CDH13: variants seen among roughly 807,000 people sequenced by gnomAD.
CDH13 encodes the protein cadherin-13.
A neutral mutation model predicts 63.8 loss-of-function variants in CDH13; 24 were observed. That is an observed-to-expected ratio of 0.38 (90% confidence interval 0.27 to 0.53). The LOEUF is 0.53. Ranked by LOEUF, CDH13 falls within the 20% of genes least tolerant of loss-of-function variation. The probability of loss-of-function intolerance (pLI) is 0.85; values close to 1 mark genes in which losing one functional copy is unlikely to be tolerated. For synonymous variants in CDH13, 503 were observed against 355.3 expected (o/e 1.42, Z -4.67); for missense variants, 1,049 against 903.1 (o/e 1.16, Z -2.07).
intron 2 of CDH13, among the ~76,000 whole-genome samples, chr16:83,012,925 A>G (rs1220313427): frequency 6.6e-6 from 1 of 152,224 alleles, no homozygotes; most frequent in East Asian, 1.9e-4. Context: ...ACACATGCAT[A>G]GAGATAACAT....
At chr16:83,540,781 C>T (rs1016230459) in intron 7 of CDH13, among the ~76,000 whole-genome samples, 3 of 152,140 alleles carry the variant, frequency 2.0e-5, no homozygotes, top group African/African-American at 7.2e-5. Flanking sequence ...AGGCATGCAC[C>T]ACCACACCCA....
intron 13 of CDH13, among the ~76,000 whole-genome samples, chr16:83,786,030 C>T (rs1048700193): frequency 3.9e-5 from 6 of 152,076 alleles, no homozygotes; most frequent in East Asian, 1.9e-4. Context: ...TGTTTGCTAC[C>T]GATGGTGCCA....
At chr16:83,753,193 CA>C (rs1220739348) in intron 11 of CDH13, among the ~76,000 whole-genome samples, 1 of 151,962 alleles carries the variant, frequency 6.6e-6, no homozygotes, top group Non-Finnish European at 1.5e-5. Flanking sequence ...TTTGCCTCAC[CA>C]AAAACTTACC....
intron 8 of CDH13, among the ~76,000 whole-genome samples, chr16:83,650,296 A>C (rs566987525): frequency 2.4e-4 from 37 of 152,334 alleles, no homozygotes; most frequent in African/African-American, 8.7e-4. Flanking sequence ...TGAAAACTAC[A>C]TCAATAATTT....
Position 83,792,657 on chromosome 16 carries a change from G to A in CDH13, c.2135-2366G>A, listed in dbSNP as rs1176906629. ...CACAAAGAATTATCCAACCCCAAAT[G>A]TCAGTAGTGCTGAGGCTGAGAAACC... On this transcript the variant is annotated intron_variant, in intron 13 of 13. Coordinates refer to ENST00000567109, the MANE Select transcript of CDH13 (RefSeq NM_001257.5). Among the ~76,000 whole-genome samples, 4 of 152,186 alleles carry A rather than the reference G, an allele frequency of 2.6e-5. No individual in the cohort carries two copies. The East Asian group carries it at 7.7e-4, about 29-fold the overall frequency.
At chr16:83,024,096 G>C (rs1915587970) in intron 2 of CDH13, among the ~76,000 whole-genome samples, 1 of 152,112 alleles carries the variant, frequency 6.6e-6, no homozygotes, top group African/African-American at 2.4e-5. Context: ...TACCTGAGTA[G>C]AGTGGATGCA....
At chr16:82,727,231 G>T (rs529034927) in intron 1 of CDH13, among the ~76,000 whole-genome samples, 1 of 152,132 alleles carries the variant, frequency 6.6e-6, no homozygotes, top group Admixed American at 6.5e-5. Flanking sequence ...ACACACTCTG[G>T]TGTTTGCACT....
intron 2 of CDH13, among the ~76,000 whole-genome samples, chr16:83,025,757 C>G (rs893689478): frequency 6.6e-6 from 1 of 152,114 alleles, no homozygotes. Flanking sequence ...TGCTGGCATG[C>G]CAGTCCCCAA....
intron 3 of CDH13, among the ~76,000 whole-genome samples, chr16:83,033,185 C>T (rs989257910): frequency 2.0e-5 from 3 of 152,126 alleles, no homozygotes; most frequent in Admixed American, 1.3e-4. Context: ...TCAAAGCTAA[C>T]CTGCCCAACC....
At chr16:82,675,191 G>C (rs963731675) in intron 1 of CDH13, among the ~76,000 whole-genome samples, 7 of 152,180 alleles carry the variant, frequency 4.6e-5, no homozygotes, top group African/African-American at 1.7e-4. Context: ...CAGTGAATTA[G>C]AGGGAGATAA....
intron 1 of CDH13, among the ~76,000 whole-genome samples, chr16:82,785,182 T>C (rs1228538067): frequency 6.6e-6 from 1 of 151,920 alleles, no homozygotes; most frequent in African/African-American, 2.4e-5. Flanking sequence ...AGACATAAGA[T>C]AGATTGTTGA....
In CDH13 at chr16:83,764,087, A is replaced by G. The variant is rs374815320; in HGVS notation, c.1681+15837A>G. 1.4e-3 allele frequency among the ~76,000 whole-genome samples: 210 copies of G among 152,326 alleles called. 2 individuals are homozygous for G. The highest frequency in any genetic ancestry group is 4.7e-3 in the African/African-American group (195 of 41,580). ...TGAATGCACAATTCCCAGTACTCCT[A>G]AGCATATAAGAAATGCTTAAGTGAA... On this transcript the variant is annotated intron_variant, in intron 11 of 13. Coordinates refer to ENST00000567109, the MANE Select transcript of CDH13 (RefSeq NM_001257.5).
At position 83,797,375 on chromosome 16, in the gene CDH13, C is replaced by T. The variant is rs912316761; in HGVS notation, c.*2345C>T. ...GTGAACCGAACCAGAAGATTAACTT[C>T]GCTGAAAATTCAGAAAAATAGGAGT... On this transcript the variant is annotated 3_prime_UTR_variant, in exon 14 of 14. Transcript: ENST00000567109. The T allele has an allele frequency of 1.3e-5, 2 of 152,180 alleles. No individual in the cohort carries two copies. Among genetic ancestry groups the T allele is most frequent in the African/African-American group, 4.8e-5 (2 of 41,436 alleles). 9.4% of individuals were successfully genotyped at this position (152,180 alleles called of 1,614,324 possible).
chr16:83,034,945 A>C (rs1336027596), intron 3 of CDH13, among the ~76,000 whole-genome samples: 2 of 152,044 alleles, frequency 1.3e-5, no homozygotes, highest in Non-Finnish European at 2.9e-5. Flanking sequence ...GCTTCTTATA[A>C]AGGGGGCGGA....
chr16:83,112,862 A>C (rs185435056), intron 3 of CDH13, among the ~76,000 whole-genome samples: 3 of 152,296 alleles, frequency 2.0e-5, no homozygotes, highest in African/African-American at 7.2e-5. Context: ...TAGTCAGTAT[A>C]TTTGGCTATT....
At chr16:83,312,811 T>G (rs2090028942) in intron 5 of CDH13, among the ~76,000 whole-genome samples, 1 of 152,170 alleles carries the variant, frequency 6.6e-6, no homozygotes, top group Non-Finnish European at 1.5e-5. Flanking sequence ...CATGCAAAAG[T>G]CAGCAAAAAT....
At chr16:83,718,109 T>C (rs544632587) in intron 10 of CDH13, among the ~76,000 whole-genome samples, 1 of 152,326 alleles carries the variant, frequency 6.6e-6, no homozygotes, top group Admixed American at 6.5e-5. Context: ...GAAAATAGTT[T>C]AGTTGGCAGA....
At chr16:83,059,306 C>A (rs1209858692) in intron 3 of CDH13, among the ~76,000 whole-genome samples, 1 of 152,086 alleles carries the variant, frequency 6.6e-6, no homozygotes, top group African/African-American at 2.4e-5. Context: ...TGAGAGTTGC[C>A]TGGGAGCAGG....
In CDH13 at chr16:83,353,547, T is replaced by A. The variant is rs368971580; in HGVS notation, c.781+8541T>A. 2.6e-5 allele frequency among the ~76,000 whole-genome samples: 4 copies of A among 152,270 alleles called. No homozygotes were observed. The East Asian group carries it at 5.8e-4, about 22-fold the overall frequency. ...TATCTAACCAACCAACAGAACTGTATGTTTCTTCTTTAATGTGAATAACTG... is the reference window on the plus strand; with the variant it reads ...TATCTAACCAACCAACAGAACTGTAAGTTTCTTCTTTAATGTGAATAACTG... On this transcript the variant is annotated intron_variant, in intron 6 of 13. Coordinates refer to ENST00000567109, the MANE Select transcript of CDH13 (RefSeq NM_001257.5).
Sources: gnomAD v4.1 joint callset for allele counts (sites outside exome capture counted in the v4.1 genomes callset) on GRCh38, gnomAD v4.1.1 for gene constraint, MANE v1.5 for transcripts, NCBI Gene and HGNC (gene_info 2026-07-23, HGNC 2026-07-21) for gene names.